Variants in SMAD2 observed in about 807,000 individuals in gnomAD.
SMAD2 encodes the protein SMAD family member 2, also known as MAD homolog 2.
Under a neutral mutation model 64.4 loss-of-function variants are expected in SMAD2, and 8 were observed. That is an observed-to-expected ratio of 0.12 (90% CI 0.07 to 0.22). The LOEUF (loss-of-function observed/expected upper bound fraction) is 0.22. SMAD2 is among the 10% of genes least tolerant of loss of function. The probability of loss-of-function intolerance (pLI) is 1.00; values close to 1 mark genes in which losing one functional copy is unlikely to be tolerated. For missense variants in SMAD2, 289 were observed against 561.2 expected (o/e 0.51, Z 4.90); for synonymous variants, 203 against 195.8 (o/e 1.04, Z -0.31).
intron 1 of SMAD2, among the ~76,000 whole-genome samples, chr18:47,913,934 T>C (rs1209791037): frequency 6.6e-6 from 1 of 152,222 alleles, no homozygotes; most frequent in Non-Finnish European, 1.5e-5. Context: ...AGACTATCTT[T>C]ACAGCTGAAT....
intron 1 of SMAD2, among the ~76,000 whole-genome samples, chr18:47,903,068 A>G (rs1043711814): frequency 3.3e-5 from 5 of 152,202 alleles, no homozygotes; most frequent in Non-Finnish European, 5.9e-5. Context: ...GGAGCTTAAG[A>G]TCTCCCATAA....
Position 47,868,472 on chromosome 18 carries a change from GA to G in SMAD2, c.521-16del, listed in dbSNP as rs143256118. ...TGGAGGCAAAACTGAAAAAGTTCAAGAAATCCAAGTTAATGGCAAAGAGCAA... is the reference window on the plus strand; with the variant it reads ...TGGAGGCAAAACTGAAAAAGTTCAAGAATCCAAGTTAATGGCAAAGAGCAA... On this transcript the variant is annotated splice_polypyrimidine_tract_variant and intron_variant, in intron 4 of 10. Transcript: ENST00000262160. 2,165 of 1,609,506 alleles carry G rather than the reference GA, an allele frequency of 1.3e-3. 20 individuals are homozygous for G. In the African/African-American group the frequency reaches 0.025, roughly 19 times the overall value.
Position 47,896,747 on chromosome 18 carries a change from T to C in SMAD2, c.10A>G (p.Ile4Val). The C allele has an allele frequency of 6.2e-7, 1 of 1,613,922 alleles. No individual in the cohort carries two copies. The highest frequency in any genetic ancestry group is 1.1e-5 in the South Asian group (1 of 91,070). The change falls in exon 2 of 11, where the codon ATC becomes GTC. Residue 4 changes from isoleucine (I) to valine (V), a missense_variant. This residue lies in a region of SMAD2 where 89 missense variants were observed against 137.1 expected (regional missense o/e 0.65). Transcript: ENST00000262160. The stretch of plus-strand genomic sequence containing the variant: ...ACAACTGGCGGCGTGAATGGCAAGA[T>C]GGACGACATGTTCTTACCAAAGGCA... MSS[I>V]LPFTPPVVKR...
intron 7 of SMAD2, among the ~76,000 whole-genome samples, chr18:47,850,246 T>TA (rs1568039954): frequency 2.8e-4 from 24 of 84,384 alleles, no homozygotes; most frequent in Admixed American, 8.2e-4. Context: ...ATATTATATA[T>TA]TATATATATT....
At chr18:47,880,440 G>A (rs925184575) in intron 2 of SMAD2, among the ~76,000 whole-genome samples, 1 of 152,152 alleles carries the variant, frequency 6.6e-6, no homozygotes, top group Admixed American at 6.6e-5. Flanking sequence ...AATCATATAG[G>A]CACACAGTGT....
At position 47,837,690 on chromosome 18, in the gene SMAD2, A is replaced by G. The variant is rs1196064007; in HGVS notation, c.*4137T>C. Reference sequence around the variant, plus strand: ...AGGCAATGAATATAATAGATTTAGCAAAGTAAAGCATATGAAAGGAAGAAA... The same window carrying G: ...AGGCAATGAATATAATAGATTTAGCGAAGTAAAGCATATGAAAGGAAGAAA... On this transcript the variant is annotated 3_prime_UTR_variant, in exon 11 of 11. Coordinates refer to ENST00000262160, the MANE Select transcript of SMAD2 (RefSeq NM_005901.6). The G allele has an allele frequency of 4.3e-6, 1 of 233,078 alleles. No individual in the cohort carries two copies. The highest frequency in any genetic ancestry group is 6.0e-5 in the East Asian group (1 of 16,680). 14.4% of individuals were successfully genotyped at this position (233,078 alleles called of 1,614,324 possible).
In SMAD2 at chr18:47,824,610, C is replaced by T. The variant is rs1156516846; in HGVS notation, c.*17217G>A. 1 of 152,142 alleles carries T rather than the reference C, an allele frequency of 6.6e-6. No homozygotes were observed. The highest frequency in any genetic ancestry group is 1.9e-4 in the East Asian group (1 of 5,200). 9.4% of individuals were successfully genotyped at this position (152,142 alleles called of 1,614,324 possible). On this transcript the variant is annotated 3_prime_UTR_variant, in exon 11 of 11. Transcript: ENST00000262160. Reference sequence around the variant, plus strand: ...GTTATTTAGGTTGACAGTTATTACACCTGAAAACTAAATTCTAGCTGATCA... The same window carrying T: ...GTTATTTAGGTTGACAGTTATTACATCTGAAAACTAAATTCTAGCTGATCA...
In SMAD2 at chr18:47,835,538, A is replaced by G. The variant is rs1254823229; in HGVS notation, c.*6289T>C. 1.6e-5 allele frequency: 3 copies of G among 193,212 alleles called. No homozygotes were observed. Among genetic ancestry groups the G allele is most frequent in the Non-Finnish European group, 3.2e-5 (3 of 92,442 alleles). The allele number at this position is 193,212 out of a possible 1,614,324, so 12.0% of individuals were successfully genotyped here. A position where few individuals can be genotyped will look rare whatever the true frequency, so the allele number is the denominator to read the frequency against. ...AGAAAAGAAAAAACTTACTGGGAGA[A>G]CAGAGACTTAGTAAAATTTCTATTG... On this transcript the variant is annotated 3_prime_UTR_variant, in exon 11 of 11. Coordinates refer to ENST00000262160, the MANE Select transcript of SMAD2 (RefSeq NM_005901.6).
rs769873862 is a variant in SMAD2 at position 47,834,504 on chromosome 18, G to A, written c.*7323C>T. ...GTCACCCTGAGAACACTACCCACTC[G>A]TTCCTTAATATCACTAGAGAAAAGG... On this transcript the variant is annotated 3_prime_UTR_variant, in exon 11 of 11. Coordinates refer to ENST00000262160, the MANE Select transcript of SMAD2 (RefSeq NM_005901.6). The A allele has an allele frequency of 3.9e-5, 8 of 204,166 alleles. No homozygotes were observed. The highest frequency in any genetic ancestry group is 1.9e-4 in the South Asian group (1 of 5,278). The allele number at this position is 204,166 out of a possible 1,614,324, so 12.6% of individuals were successfully genotyped here. A position where few individuals can be genotyped will look rare whatever the true frequency, so the allele number is the denominator to read the frequency against.
intron 1 of SMAD2, among the ~76,000 whole-genome samples, chr18:47,927,088 G>A (rs987077934): frequency 8.5e-5 from 13 of 152,116 alleles, no homozygotes; most frequent in Non-Finnish European, 1.5e-4. Flanking sequence ...CACTATTCCC[G>A]ATCCTTTCAC....
Position 47,841,484 on chromosome 18 carries a change from C to A in SMAD2, c.*343G>T. ...GCAAACTAAAAATGTATATAAACAG[C>A]ACAATACTGTGATACTGGATCATGA... is the stretch of plus-strand genomic sequence containing the variant. On this transcript the variant is annotated 3_prime_UTR_variant, in exon 11 of 11. Coordinates refer to ENST00000262160, the MANE Select transcript of SMAD2 (RefSeq NM_005901.6). 2.4e-6 allele frequency: 1 copy of A among 422,110 alleles called. No individual in the cohort carries two copies. The highest frequency in any genetic ancestry group is 4.4e-6 in the Non-Finnish European group (1 of 224,968). The allele number at this position is 422,110 out of a possible 1,614,324, so 26.1% of individuals were successfully genotyped here.
intron 1 of SMAD2, among the ~76,000 whole-genome samples, chr18:47,903,601 G>A (rs771510936): frequency 2.6e-5 from 4 of 151,976 alleles, no homozygotes; most frequent in Non-Finnish European, 5.9e-5. Context: ...ACAAGATACA[G>A]GGAGTAGCAA....
At chr18:47,885,879 C>T (rs193057042) in intron 2 of SMAD2, among the ~76,000 whole-genome samples, 12 of 152,226 alleles carry the variant, frequency 7.9e-5, no homozygotes, top group African/African-American at 2.6e-4. Flanking sequence ...GGAGGATCAC[C>T]GGAGCCCAGG....
At chr18:47,859,177 G>GTT (rs1169611366) in intron 6 of SMAD2, among the ~76,000 whole-genome samples, 1 of 151,906 alleles carries the variant, frequency 6.6e-6, no homozygotes, top group East Asian at 1.9e-4. Context: ...TAATAACAGA[G>GTT]GTTAAAGACA....
chr18:47,898,106 T>C (rs1305823384), intron 1 of SMAD2, among the ~76,000 whole-genome samples: 1 of 152,146 alleles, frequency 6.6e-6, no homozygotes, highest in Non-Finnish European at 1.5e-5. Flanking sequence ...GAAGTACAAG[T>C]TAAAATAATA....
intron 2 of SMAD2, among the ~76,000 whole-genome samples, chr18:47,871,944 A>C (rs1298312023): frequency 1.3e-5 from 2 of 152,238 alleles, no homozygotes; most frequent in African/African-American, 4.8e-5. Flanking sequence ...ACAAAAGTGT[A>C]GCACAAGAGG....
At chr18:47,876,889 C>G (rs1336297451) in intron 2 of SMAD2, among the ~76,000 whole-genome samples, 2 of 151,960 alleles carry the variant, frequency 1.3e-5, no homozygotes, top group Non-Finnish European at 2.9e-5. Context: ...CAATTTACTA[C>G]TTTTTTTGCG....
rs1430976668 is a variant in SMAD2 at position 47,835,064 on chromosome 18, C to A, written c.*6763G>T. 1 of 219,158 alleles carries A rather than the reference C, an allele frequency of 4.6e-6. No homozygotes were observed. The highest frequency in any genetic ancestry group is 2.2e-5 in the African/African-American group (1 of 44,566). 13.6% of individuals were successfully genotyped at this position (219,158 alleles called of 1,614,324 possible). A position where few individuals can be genotyped will look rare whatever the true frequency, so the allele number is the denominator to read the frequency against. Reference sequence around the variant, plus strand: ...ATGCTGTGATCTAGTTCAACAACTGCAGAACTGTTCTCATCTTAATCGCTG... The same window carrying A: ...ATGCTGTGATCTAGTTCAACAACTGAAGAACTGTTCTCATCTTAATCGCTG... On this transcript the variant is annotated 3_prime_UTR_variant, in exon 11 of 11. Transcript: ENST00000262160.
chr18:47,821,407 G>A lies in SMAD2; in HGVS notation c.*20420C>T, dbSNP rs1912569693. ...AATGTTCTGTAGAAGGCCTAGAAAA[G>A]CAATGTTTTCCTCCAGTATAACTTG... On this transcript the variant is annotated 3_prime_UTR_variant, in exon 11 of 11. Coordinates refer to ENST00000262160, the MANE Select transcript of SMAD2 (RefSeq NM_005901.6). The A allele has an allele frequency of 6.6e-6, 1 of 152,176 alleles. No individual in the cohort carries two copies. Among genetic ancestry groups the A allele is most frequent in the Non-Finnish European group, 1.5e-5 (1 of 68,012 alleles). 9.4% of individuals were successfully genotyped at this position (152,176 alleles called of 1,614,324 possible).
Sources: gnomAD v4.1 joint callset for allele counts (sites outside exome capture counted in the v4.1 genomes callset) on GRCh38, gnomAD v4.1.1 for gene constraint, gnomAD v4.1.1 regional missense constraint, MANE v1.5 for transcripts, NCBI Gene and HGNC (gene_info 2026-07-23, HGNC 2026-07-21) for gene names.